The following GRK3 variants were observed in gnomAD, a reference collection of about 807,000 sequenced individuals.
GRK3 encodes the protein adrenergic, beta, receptor kinase 2.
GRK3 carries 54 observed loss-of-function variants against 95.7 expected under a neutral mutation model. The ratio of observed to expected loss-of-function variants is 0.56; its 90% CI spans 0.45 to 0.71. The LOEUF (loss-of-function observed/expected upper bound fraction) is 0.71, where lower values mean the gene tolerates loss of function less well. Ranked by LOEUF, GRK3 falls within the 30% of genes least tolerant of loss-of-function variation. GRK3 has a pLI of 0.00. For synonymous variants in GRK3, 281 were observed against 290.8 expected (o/e 0.97, Z 0.34); for missense variants, 649 against 851.2 (o/e 0.76, Z 2.96).
chr22:25,645,575 G>C (rs772240780), intron 3 of GRK3, among the ~76,000 whole-genome samples: 9 of 152,192 alleles, frequency 5.9e-5, no homozygotes, highest in African/African-American at 2.2e-4. Context: ...TGACTCCAGT[G>C]CTAAGGAAAT....
Position 25,595,060 on chromosome 22 carries a change from T to C in GRK3, c.114-9317T>C, listed in dbSNP as rs562554935. Among the ~76,000 whole-genome samples the C allele has an allele frequency of 1.5e-3, 224 of 152,076 alleles. 1 individual carries two copies. Among genetic ancestry groups the C allele is most frequent in the African/African-American group, 5.3e-3 (219 of 41,472 alleles). On this transcript the variant is annotated intron_variant, in intron 1 of 20. Transcript: ENST00000324198. ...CTATCTATGACAAACCTAAATACAA[T>C]ATCATATTGAATGAGCAAAAGCTGG... is the stretch of plus-strand genomic sequence containing the variant.
rs142053917 is a variant in GRK3 at position 25,565,172 on chromosome 22, G to A, written c.113+19G>A. On this transcript the variant is annotated intron_variant, in intron 1 of 20. Transcript: ENST00000324198. ...AGCCCAGGTACCAGCTGCCCCGGCC[G>A]GCGCCGGCCCCAAGCCGCCGCCCCC... is the stretch of plus-strand genomic sequence containing the variant. The A allele has an allele frequency of 0.023, 33,323 of 1,422,112 alleles. 502 individuals carry two copies. Among genetic ancestry groups the A allele is most frequent in the Non-Finnish European group, 0.029 (30,489 of 1,062,332 alleles). 88.1% of individuals were successfully genotyped at this position (1,422,112 alleles called of 1,614,324 possible). A position where few individuals can be genotyped will look rare whatever the true frequency, so the allele number is the denominator to read the frequency against.
intron 2 of GRK3, among the ~76,000 whole-genome samples, chr22:25,643,559 T>C (rs1387440206): frequency 2.6e-5 from 4 of 152,246 alleles, no homozygotes; most frequent in South Asian, 2.1e-4. Context: ...CTTCAGTTCC[T>C]TTCTGCAGCT....
At chr22:25,580,899 C>T (rs1037945607) in intron 1 of GRK3, among the ~76,000 whole-genome samples, 4 of 152,098 alleles carry the variant, frequency 2.6e-5, no homozygotes, top group East Asian at 1.9e-4. Context: ...CCGAGGCAGG[C>T]GGATCAGTTG....
In GRK3 at chr22:25,723,270, T is replaced by A. The variant is rs1212354827; in HGVS notation, c.*820T>A. 1 of 152,192 alleles carries A rather than the reference T, an allele frequency of 6.6e-6. No homozygotes were observed. The highest frequency in any genetic ancestry group is 2.4e-5 in the African/African-American group (1 of 41,444). 9.4% of individuals were successfully genotyped at this position (152,192 alleles called of 1,614,324 possible). A position where few individuals can be genotyped will look rare whatever the true frequency, so the allele number is the denominator to read the frequency against. The stretch of plus-strand genomic sequence containing the variant: ...AGTACCTGGCATGCAGGAGCACTCA[T>A]GGGTGAGTCCGTCTCAGGTCTCGAC... On this transcript the variant is annotated 3_prime_UTR_variant, in exon 21 of 21. Transcript: ENST00000324198.
At chr22:25,618,465 G>A (rs2084556539) in intron 2 of GRK3, among the ~76,000 whole-genome samples, 1 of 152,202 alleles carries the variant, frequency 6.6e-6, no homozygotes, top group Non-Finnish European at 1.5e-5. Context: ...ATTTCAAAGT[G>A]TCTCTATTTA....
intron 9 of GRK3, among the ~76,000 whole-genome samples, chr22:25,684,870 A>T (rs967158347): frequency 4.6e-5 from 7 of 152,192 alleles, no homozygotes; most frequent in African/African-American, 1.7e-4. Context: ...GGCAGCTTGG[A>T]TAAAAACCCA....
chr22:25,616,994 A>G (rs1225771468), intron 2 of GRK3, among the ~76,000 whole-genome samples: 2 of 152,166 alleles, frequency 1.3e-5, no homozygotes, highest in East Asian at 1.9e-4. Context: ...TTGCTAGATG[A>G]ACAGAGAAGA....
intron 1 of GRK3, among the ~76,000 whole-genome samples, chr22:25,570,963 A>G (rs1931679857): frequency 6.6e-6 from 1 of 152,228 alleles, no homozygotes; most frequent in Non-Finnish European, 1.5e-5. Flanking sequence ...GACACTATAT[A>G]GAGAGCCCAT....
intron 5 of GRK3, among the ~76,000 whole-genome samples, chr22:25,667,346 G>A (rs969360715): frequency 7.2e-5 from 11 of 152,148 alleles, no homozygotes; most frequent in African/African-American, 2.7e-4. Context: ...ACGTGAAAAC[G>A]CAGGGCTCCT....
chr22:25,598,135 A>G (rs2084384768), intron 1 of GRK3, among the ~76,000 whole-genome samples: 2 of 152,358 alleles, frequency 1.3e-5, no homozygotes, highest in South Asian at 2.1e-4. Context: ...ATGTAGGAAT[A>G]AAGCATATGA....
chr22:25,624,334 C>T (rs917098756), intron 2 of GRK3, among the ~76,000 whole-genome samples: 17 of 151,922 alleles, frequency 1.1e-4, no homozygotes, highest in Non-Finnish European at 1.9e-4. Flanking sequence ...GAGGCCGAGG[C>T]GGGCGGATCA....
At chr22:25,584,180 G>T (rs1315627445) in intron 1 of GRK3, among the ~76,000 whole-genome samples, 8 of 152,210 alleles carry the variant, frequency 5.3e-5, no homozygotes, top group Non-Finnish European at 1.2e-4. Context: ...CCATGTGGTG[G>T]TTCCCCCATT....
intron 2 of GRK3, among the ~76,000 whole-genome samples, chr22:25,613,773 C>T (rs2084516384): frequency 6.6e-6 from 1 of 152,226 alleles, no homozygotes; most frequent in African/African-American, 2.4e-5. Context: ...TCTGCCTGGG[C>T]TGGGAGCCGC....
chr22:25,701,966 G>A (rs957980284), intron 13 of GRK3, among the ~76,000 whole-genome samples: 1 of 152,122 alleles, frequency 6.6e-6, no homozygotes, highest in African/African-American at 2.4e-5. Flanking sequence ...TTTTATATCT[G>A]CTTTTTAAAT....
intron 10 of GRK3, among the ~76,000 whole-genome samples, chr22:25,686,846 C>T (rs140285253): frequency 1.4e-3 from 212 of 152,232 alleles, no homozygotes; most frequent in African/African-American, 4.8e-3. Context: ...TCTTTTGAGA[C>T]GGAGTCTCTG....
At chr22:25,617,969 C>T (rs764717920) in intron 2 of GRK3, among the ~76,000 whole-genome samples, 5 of 152,204 alleles carry the variant, frequency 3.3e-5, no homozygotes, top group Non-Finnish European at 7.3e-5. Context: ...GATGAGGTTT[C>T]GCCATGTTGG....
At chr22:25,591,929 G>C (rs188274946) in intron 1 of GRK3, among the ~76,000 whole-genome samples, 47 of 152,294 alleles carry the variant, frequency 3.1e-4, no homozygotes, top group African/African-American at 1.1e-3. Context: ...CACAGATAAA[G>C]CTGCTGAGAA....
At chr22:25,570,952 G>A (rs1931679396) in intron 1 of GRK3, among the ~76,000 whole-genome samples, 1 of 152,120 alleles carries the variant, frequency 6.6e-6, no homozygotes, top group African/African-American at 2.4e-5. Context: ...TTTCTATGTA[G>A]GACACTATAT....
Sources: gnomAD v4.1 joint callset for allele counts (sites outside exome capture counted in the v4.1 genomes callset) on GRCh38, gnomAD v4.1.1 for gene constraint, MANE v1.5 for transcripts, NCBI Gene and HGNC (gene_info 2026-07-23, HGNC 2026-07-21) for gene names.